Variants in HIF3A observed in about 807,000 individuals in gnomAD.
HIF3A encodes the protein hypoxia-inducible factor 3-alpha.
In HIF3A, 41 loss-of-function variants were observed where a neutral mutation model predicts 67.2. The observed-to-expected ratio is 0.61, with a 90% CI of 0.48 to 0.79. HIF3A has a LOEUF of 0.79. HIF3A is among the 30% of genes least tolerant of loss of function. The pLI is 0.00. For missense variants in HIF3A, 855 were observed against 898.0 expected, an observed-to-expected ratio of 0.95 and a Z score of 0.61; for synonymous variants, 356 against 374.8, an observed-to-expected ratio of 0.95 and a Z score of 0.58.
intron 1 of HIF3A, among the ~76,000 whole-genome samples, chr19:46,303,365 GGTGGTTCATCGTTAGACTTT>G (rs1968503300): frequency 6.6e-6 from 1 of 152,180 alleles, no homozygotes; most frequent in South Asian, 2.1e-4. Flanking sequence ...GGCCCCTGTT[GGTGGTTCATCGTTAGACTTT>G]GAGATCTATG....
chr19:46,314,804 C>T (rs1969786012), intron 8 of HIF3A, among the ~76,000 whole-genome samples: 2 of 146,560 alleles, frequency 1.4e-5, no homozygotes, highest in Admixed American at 1.5e-4. Context: ...GGTGATCCAC[C>T]CGCCTCAGCC....
At position 46,304,003 on chromosome 19, in the gene HIF3A, C is replaced by T; in HGVS notation, c.132C>T (p.Ala44=). ...LYQLAHTLPF[A]RGVSAHLDKA... ...AGCTGGCTCACACGCTGCCCTTCGC[C>T]CGCGGCGTCAGCGCCCACCTGGACA... The change falls in exon 2 of 15, where the codon GCC becomes GCT. Residue 44 remains alanine, a synonymous_variant. Transcript: ENST00000377670. The T allele has an allele frequency of 6.3e-7, 1 of 1,596,280 alleles. No homozygotes were observed. Among genetic ancestry groups the T allele is most frequent in the Non-Finnish European group, 8.5e-7 (1 of 1,172,240 alleles).
rs755434198 is a variant in HIF3A, at chr19:46,339,631, C to T, written c.*9C>T. The T allele has an allele frequency of 3.2e-6, 5 of 1,578,990 alleles. No individual in the cohort carries two copies. The highest frequency in any genetic ancestry group is 4.3e-6 in the Non-Finnish European group (5 of 1,159,136). ...CAGCCCAGGCTGACTGAGCCGGCTC[C>T]TCTCCCCATCTGCCTTCTCCTCCCC... On this transcript the variant is annotated 3_prime_UTR_variant, in exon 15 of 15. Coordinates refer to ENST00000377670, the MANE Select transcript of HIF3A (RefSeq NM_152795.4).
At chr19:46,313,248 C>G (rs1411195354) in intron 8 of HIF3A, 1 of 830,470 alleles carries the variant, frequency 1.2e-6, no homozygotes, top group Non-Finnish European at 1.4e-6. Context: ...GAGACTCTGT[C>G]TCAAACAAAC....
chr19:46,326,806 C>A (rs1159262843), intron 11 of HIF3A, among the ~76,000 whole-genome samples: 4 of 152,104 alleles, frequency 2.6e-5, no homozygotes, highest in Non-Finnish European at 5.9e-5. Flanking sequence ...TGGTCCATAG[C>A]AGTTTTGAAA....
At chr19:46,310,192 T>C (rs1969307264) in intron 6 of HIF3A, among the ~76,000 whole-genome samples, 1 of 151,966 alleles carries the variant, frequency 6.6e-6, no homozygotes, top group South Asian at 2.1e-4. Flanking sequence ...ACCATTGCAC[T>C]CCAGCCTAGG....
chr19:46,306,371 G>C (rs1601214804), intron 3 of HIF3A: 1 of 152,348 alleles, frequency 6.6e-6, no homozygotes, highest in East Asian at 1.9e-4. Context: ...GCAATGGGTA[G>C]ATGCCAATCT....
chr19:46,308,151 G>A (rs1215845236), intron 3 of HIF3A, 70 bp from the exon 4 acceptor site: 6 of 945,188 alleles, frequency 6.3e-6, no homozygotes, highest in Non-Finnish European at 7.0e-6. Context: ...TTGGAGCAGG[G>A]GAATGAGGAT....
At chr19:46,338,968 C>T (rs1291116882) in intron 14 of HIF3A, among the ~76,000 whole-genome samples, 9 of 152,174 alleles carry the variant, frequency 5.9e-5, no homozygotes, top group Non-Finnish European at 2.9e-5. Context: ...GATGAGGTTT[C>T]TCTTCAAATA....
At chr19:46,325,386 A>G in intron 10 of HIF3A, 149 bp from the exon 11 acceptor site, 1 of 640,630 alleles carries the variant, frequency 1.6e-6, no homozygotes, top group South Asian at 1.8e-5. Context: ...CCCAGGTTCA[A>G]AACTCATCTG....
intron 3 of HIF3A, among the ~76,000 whole-genome samples, chr19:46,307,637 A>G (rs561423145): frequency 6.6e-6 from 1 of 151,830 alleles, no homozygotes; most frequent in East Asian, 1.9e-4. Context: ...AGTCCCAGCT[A>G]CTCGGGAGGC....
rs1971025952 is a variant in HIF3A, at chr19:46,329,439, A to AC, written c.1677dup (p.Ser560LeufsTer76). ...AGCTGCTCCAGCCCTTCCAGAGGGGACCCCTCAGCATCCTCTCCCATGGCT... is the reference window on the plus strand; with the variant it reads ...AGCTGCTCCAGCCCTTCCAGAGGGGACCCCCTCAGCATCCTCTCCCATGGCT... On this transcript the variant is annotated frameshift_variant, in exon 12 of 15. Transcript: ENST00000377670. LOFTEE classifies it high-confidence loss of function. 1 of 1,562,364 alleles carries AC rather than the reference A, an allele frequency of 6.4e-7. No individual in the cohort carries two copies. Among genetic ancestry groups the AC allele is most frequent in the Admixed American group, 1.9e-5 (1 of 53,334 alleles).
At position 46,305,336 on chromosome 19, in the gene HIF3A, G is replaced by C. The variant is rs376235617; in HGVS notation, c.309G>C (p.Glu103Asp). ...GCTTCGTCATGGTGCTCACCGCCGA[G>C]GGAGACATGGCTTACCTGTCGGAGA... The part of the protein sequence containing the change: ...LEGFVMVLTA[E>D]GDMAYLSENV... The change falls in exon 3 of 15, where the codon GAG (glutamate) becomes GAC (aspartate). Residue 103 changes from glutamate to aspartate, a missense_variant. Physicochemically the swap from Glu to Asp is conservative, Grantham distance 45. This residue lies in a region of HIF3A where 638 missense variants were observed against 660.5 expected (regional missense o/e 0.97). Coordinates refer to ENST00000377670, the MANE Select transcript of HIF3A (RefSeq NM_152795.4). 1.2e-6 allele frequency: 2 copies of C among 1,614,000 alleles called. No individual in the cohort carries two copies. The highest frequency in any genetic ancestry group is 2.7e-5 in the African/African-American group (2 of 74,910).
chr19:46,301,624 G>C (rs915739908), intron 1 of HIF3A, among the ~76,000 whole-genome samples: 2 of 151,948 alleles, frequency 1.3e-5, no homozygotes, highest in Non-Finnish European at 2.9e-5. Flanking sequence ...TCAAGAGTTC[G>C]AGAGCAGCCT....
At chr19:46,307,954 A>G (rs1326032561) in intron 3 of HIF3A, among the ~76,000 whole-genome samples, 1 of 148,850 alleles carries the variant, frequency 6.7e-6, no homozygotes, top group African/African-American at 2.5e-5. Flanking sequence ...AGATAGACAG[A>G]TAGGTAGACA....
At chr19:46,309,446 T>C (rs1047693004) in intron 6 of HIF3A, 87 bp downstream of exon 6, 1 of 372,444 alleles carries the variant, frequency 2.7e-6, no homozygotes, top group Non-Finnish European at 4.5e-6. Context: ...TCTCTCTCCT[T>C]CTCTCTCTCT....
chr19:46,320,046 G>A (rs59569547), intron 8 of HIF3A, among the ~76,000 whole-genome samples: 18,126 of 151,982 alleles, frequency 0.12, 1,410 homozygotes, highest in East Asian at 0.34. Flanking sequence ...CCTGGCCAAC[G>A]TGGTGAAACC....
In HIF3A at chr19:46,308,713, C is replaced by A. The variant is rs371476587; in HGVS notation, c.499C>A (p.Arg167Ser). ...CCCCACGGAGCGGTGCTTCTCCTTG[C>A]GCATGAAGAGTACACTCACCAGCCG... is the stretch of plus-strand genomic sequence containing the variant. Reference protein sequence around the residue: ...EAPTERCFSLRMKSTLTSRGR... With the variant: ...EAPTERCFSLSMKSTLTSRGR... The change falls in exon 5 of 15, where the codon CGC (arginine) becomes AGC (serine). Residue 167 changes from arginine to serine, a missense_variant. By Grantham distance (110) the Arg-to-Ser change is moderately radical. This residue lies in a region of HIF3A where 638 missense variants were observed against 660.5 expected (regional missense o/e 0.97). Coordinates refer to ENST00000377670, the MANE Select transcript of HIF3A (RefSeq NM_152795.4). 1.9e-6 allele frequency: 3 copies of A among 1,611,426 alleles called. No individual in the cohort carries two copies. Among genetic ancestry groups the A allele is most frequent in the Non-Finnish European group, 2.5e-6 (3 of 1,179,040 alleles).
chr19:46,336,471 G>A (rs868837422), intron 14 of HIF3A, among the ~76,000 whole-genome samples: 21 of 151,966 alleles, frequency 1.4e-4, no homozygotes, highest in African/African-American at 3.9e-4. Context: ...GGGCTCAAGC[G>A]ATCCTCCCAC....
Sources: allele counts gnomAD v4.1 joint callset (sites outside exome capture counted in the v4.1 genomes callset), GRCh38; gene constraint gnomAD v4.1.1; regional missense constraint gnomAD v4.1.1; transcripts MANE v1.5; gene names NCBI Gene and HGNC (gene_info 2026-07-23, HGNC 2026-07-21).